The following DCC variants were observed in gnomAD, a reference collection of about 807,000 sequenced individuals.
DCC encodes the protein DCC netrin 1 receptor.
In DCC, 58 loss-of-function variants were observed where a neutral mutation model predicts 172.5. The ratio of observed to expected loss-of-function variants is 0.34; its 90% CI spans 0.27 to 0.42. The LOEUF (loss-of-function observed/expected upper bound fraction) is 0.42, where lower values mean the gene tolerates loss of function less well. Among genes scored for constraint, DCC ranks in the 10% least tolerant of loss-of-function variants. The probability of loss-of-function intolerance (pLI) is 1.00; values close to 1 mark genes in which losing one functional copy is unlikely to be tolerated. For synonymous variants in DCC, 709 were observed against 644.5 expected (o/e 1.10, Z -1.52); for missense variants, 1,740 against 1,791.0 (o/e 0.97, Z 0.51).
intron 5 of DCC, among the ~76,000 whole-genome samples, chr18:52,994,032 G>A (rs147223206): frequency 1.3e-5 from 2 of 152,098 alleles, no homozygotes; most frequent in African/African-American, 4.8e-5. Context: ...AAACTATCCA[G>A]CTCAGTTATG....
chr18:53,382,127 G>A (rs1294920020), intron 15 of DCC, among the ~76,000 whole-genome samples: 1 of 149,206 alleles, frequency 6.7e-6, no homozygotes, highest in Non-Finnish European at 1.5e-5. Context: ...AAGCACTTGA[G>A]TGTGGAATTT....
chr18:52,806,063 T>G (rs952710872), intron 2 of DCC, among the ~76,000 whole-genome samples: 1 of 152,214 alleles, frequency 6.6e-6, no homozygotes, highest in African/African-American at 2.4e-5. Context: ...ACTGTTAACA[T>G]TGACACCAGT....
chr18:52,745,385 G>A lies in DCC; in HGVS notation c.92-6669G>A, dbSNP rs141953956. ...GCAAAGTTCTAGAGTTTTAGTTAAC[G>A]TGAGAATTACCTGGAAGACTTCTTA... is the stretch of plus-strand genomic sequence containing the variant. On this transcript the variant is annotated intron_variant, in intron 1 of 28. Transcript: ENST00000442544. Among the ~76,000 whole-genome samples, 20 of 152,344 alleles carry A rather than the reference G, an allele frequency of 1.3e-4. No homozygotes were observed. The East Asian group carries it at 3.5e-3, about 26-fold the overall frequency.
intron 2 of DCC, among the ~76,000 whole-genome samples, chr18:52,873,328 G>C (rs1043931622): frequency 6.6e-6 from 1 of 152,162 alleles, no homozygotes; most frequent in Non-Finnish European, 1.5e-5. Context: ...TGGAACCTCA[G>C]CCATAGGCTC....
intron 27 of DCC, among the ~76,000 whole-genome samples, chr18:53,512,183 AC>A (rs141275587): frequency 0.14 from 20,610 of 151,650 alleles, 1,629 homozygotes; most frequent in Admixed American, 0.25. Context: ...ACTGGGAGGC[AC>A]CCCCCAGCAG....
At chr18:52,418,583 G>C (rs890247424) in intron 1 of DCC, among the ~76,000 whole-genome samples, 1 of 152,154 alleles carries the variant, frequency 6.6e-6, no homozygotes, top group Admixed American at 6.5e-5. Flanking sequence ...TTGGTTAGGG[G>C]AGATGGGGAC....
chr18:53,329,520 A>T (rs1354626835), intron 14 of DCC, among the ~76,000 whole-genome samples: 1 of 152,058 alleles, frequency 6.6e-6, no homozygotes, highest in African/African-American at 2.4e-5. Flanking sequence ...AACCTAAAAT[A>T]TAATATCTAG....
chr18:53,145,158 A>T (rs1228042678), intron 7 of DCC, among the ~76,000 whole-genome samples: 1 of 111,404 alleles, frequency 9.0e-6, no homozygotes, highest in African/African-American at 3.4e-5. Flanking sequence ...TCTGTTGCCC[A>T]GGCTGGAGTG....
At chr18:52,962,431 C>A (rs971303933) in intron 5 of DCC, among the ~76,000 whole-genome samples, 4 of 149,426 alleles carry the variant, frequency 2.7e-5, no homozygotes, top group African/African-American at 9.8e-5. Context: ...GTTAGAATGG[C>A]AATCATTAAA....
At chr18:52,599,305 G>GAAA (rs1186624182) in intron 1 of DCC, among the ~76,000 whole-genome samples, 6 of 152,042 alleles carry the variant, frequency 3.9e-5, no homozygotes, top group Admixed American at 3.3e-4. Flanking sequence ...ACCAGGGGTC[G>GAAA]AAAAACCTTT....
intron 22 of DCC, among the ~76,000 whole-genome samples, chr18:53,439,895 G>A (rs1912163875): frequency 6.7e-6 from 1 of 148,680 alleles, no homozygotes; most frequent in Non-Finnish European, 1.5e-5. Flanking sequence ...CTCCCAAGTA[G>A]CTGGGACTAC....
At chr18:53,209,501 A>C (rs2055712539) in intron 11 of DCC, among the ~76,000 whole-genome samples, 1 of 152,194 alleles carries the variant, frequency 6.6e-6, no homozygotes, top group Non-Finnish European at 1.5e-5. Context: ...ATCATTGTTT[A>C]TTCTGGGAAA....
chr18:52,384,062 CTGTT>C (rs1172600529), intron 1 of DCC, among the ~76,000 whole-genome samples: 11 of 151,920 alleles, frequency 7.2e-5, no homozygotes, highest in African/African-American at 9.7e-5. Context: ...CATTTTAATT[CTGTT>C]TATTTCCTAT....
At chr18:52,913,964 A>T (rs1472636627) in intron 3 of DCC, among the ~76,000 whole-genome samples, 2 of 152,120 alleles carry the variant, frequency 1.3e-5, no homozygotes, top group Admixed American at 1.3e-4. Flanking sequence ...TTAGTCATAA[A>T]TTATAGGCAC....
At chr18:52,908,173 G>C (rs77662788) in intron 3 of DCC, among the ~76,000 whole-genome samples, 9 of 152,294 alleles carry the variant, frequency 5.9e-5, no homozygotes, top group Non-Finnish European at 1.3e-4. Context: ...GCTATGCAGA[G>C]AGTAGCATTC....
intron 27 of DCC, among the ~76,000 whole-genome samples, chr18:53,514,881 C>A (rs1230306632): frequency 1.3e-5 from 2 of 151,852 alleles, no homozygotes; most frequent in Admixed American, 6.6e-5. Context: ...CAAGGAGGAA[C>A]TAGTACCATT....
At chr18:52,845,456 C>G (rs12967277) in intron 2 of DCC, among the ~76,000 whole-genome samples, 45,865 of 152,136 alleles carry the variant, frequency 0.3, 8,226 homozygotes, top group Non-Finnish European at 0.42. Flanking sequence ...GCCATGGCCC[C>G]CCTGAGAGGA....
intron 1 of DCC, among the ~76,000 whole-genome samples, chr18:52,542,171 C>CTA (rs2032479989): frequency 6.6e-6 from 1 of 151,290 alleles, no homozygotes; most frequent in Admixed American, 6.6e-5. Context: ...ATAGTTTTTA[C>CTA]TACAGAATGA....
intron 1 of DCC, among the ~76,000 whole-genome samples, chr18:52,530,538 A>G (rs185469204): frequency 2.8e-3 from 422 of 152,356 alleles, no homozygotes; most frequent in Non-Finnish European, 4.9e-3. Flanking sequence ...CACATAAAAC[A>G]TACTTAGTAA....
Sources: gnomAD v4.1 joint callset for allele counts (sites outside exome capture counted in the v4.1 genomes callset) on GRCh38, gnomAD v4.1.1 for gene constraint, MANE v1.5 for transcripts, NCBI Gene and HGNC (gene_info 2026-07-23, HGNC 2026-07-21) for gene names.